SCN2A: variants seen among roughly 807,000 people sequenced by gnomAD.
SCN2A encodes sodium voltage-gated channel alpha subunit 2, also known as sodium channel protein type 2 subunit alpha.
Under a neutral mutation model 188.7 loss-of-function variants are expected in SCN2A, and 20 were observed. The ratio of observed to expected loss-of-function variants is 0.11; its 90% CI spans 0.07 to 0.15. SCN2A has a LOEUF of 0.15. Among genes scored for constraint, SCN2A ranks in the 10% least tolerant of loss-of-function variants. The pLI is 1.00. For missense variants in SCN2A, 1,278 were observed against 2,445.0 expected (o/e 0.52, Z 10.07); for synonymous variants, 804 against 833.1 (o/e 0.97, Z 0.60).
intron 2 of SCN2A, 75 bp downstream of exon 2, chr2:165,296,165 A>G (rs1696499948): frequency 1.4e-6 from 2 of 1,442,398 alleles, no homozygotes; most frequent in African/African-American, 2.8e-5. Context: ...ATGATGGTGA[A>G]GAAGGCTGGC....
chr2:165,330,184 G>C (rs897898571), intron 13 of SCN2A, among the ~76,000 whole-genome samples: 2 of 152,110 alleles, frequency 1.3e-5, no homozygotes, highest in Non-Finnish European at 2.9e-5. Flanking sequence ...TGACTGACTA[G>C]AGTCAACTAT....
chr2:165,363,056 A>G (rs1246662126), intron 17 of SCN2A, among the ~76,000 whole-genome samples: 5 of 152,150 alleles, frequency 3.3e-5, no homozygotes, highest in Non-Finnish European at 5.9e-5. Flanking sequence ...CAGGAATCCT[A>G]TGTAAACTTT....
chr2:165,253,897 C>A (rs1694202539), intron 1 of SCN2A, among the ~76,000 whole-genome samples: 1 of 151,938 alleles, frequency 6.6e-6, no homozygotes, highest in South Asian at 2.1e-4. Flanking sequence ...TCATGCCTTT[C>A]TTTGCTAATA....
At chr2:165,350,591 G>A (rs1442310012) in intron 16 of SCN2A, among the ~76,000 whole-genome samples, 1 of 143,170 alleles carries the variant, frequency 7.0e-6, no homozygotes, top group African/African-American at 2.6e-5. Flanking sequence ...TCCTGCCTCA[G>A]CCTCCCAAGT....
rs565309819 is a variant in SCN2A at position 165,388,750 on chromosome 2, G to A, written c.4944G>A (p.Thr1648=). ...TCAAAGGAGCAAAGGGGATCCGCAC[G>A]CTGCTCTTTGCTTTGATGATGTCCC... The part of the protein sequence containing the change: ...RLIKGAKGIR[T]LLFALMMSLP... The change falls in exon 27 of 27, where the codon ACG becomes ACA. Residue 1648 remains threonine, a synonymous_variant. Coordinates refer to ENST00000375437, the MANE Select transcript of SCN2A (RefSeq NM_001040142.2). 199 of 1,614,020 alleles carry A rather than the reference G, an allele frequency of 1.2e-4. 3 individuals carry two copies. In the South Asian group the frequency reaches 2.0e-3, roughly 16 times the overall value.
chr2:165,291,499 C>T (rs1696168509), intron 1 of SCN2A, among the ~76,000 whole-genome samples: 1 of 106,950 alleles, frequency 9.4e-6, no homozygotes, highest in Non-Finnish European at 2.0e-5. Flanking sequence ...TCTTTTCTTT[C>T]TTTCTTTCTT....
chr2:165,296,183 C>A, intron 2 of SCN2A, 93 bp downstream of exon 2: 7 of 1,200,594 alleles, frequency 5.8e-6, no homozygotes, highest in South Asian at 1.2e-5. Context: ...GGCCTCCTTC[C>A]CTCTGTCTAA....
At chr2:165,346,298 T>G (rs1699583113) in intron 16 of SCN2A, among the ~76,000 whole-genome samples, 1 of 152,172 alleles carries the variant, frequency 6.6e-6, no homozygotes, top group African/African-American at 2.4e-5. Flanking sequence ...TCCTGAAGAG[T>G]GTTTTCCAAC....
rs1055894327 is a variant in SCN2A at position 165,239,646 on chromosome 2, C to G, written c.-52+6C>G. The stretch of plus-strand genomic sequence containing the variant: ...TACATTTTTCTTTATTTCAGGTAAG[C>G]CAGCATGATTCTATTTTTGACTTAT... On this transcript the variant is annotated splice_donor_region_variant and intron_variant, in intron 1 of 26. Coordinates refer to ENST00000375437, the MANE Select transcript of SCN2A (RefSeq NM_001040142.2). 7.1e-6 allele frequency: 7 copies of G among 980,628 alleles called. No individual in the cohort carries two copies. The African/African-American group carries it at 1.2e-4, about 17-fold the overall frequency. 60.7% of individuals were successfully genotyped at this position (980,628 alleles called of 1,614,324 possible).
Position 165,365,248 on chromosome 2 carries a change from G to A in SCN2A, c.3505G>A (p.Ala1169Thr). Reference sequence around the variant, plus strand: ...ACCTGAGGAATCCCTTGAACCTGAAGCCTGTTTTACAGAAGGTAAGCAAAA... The same window carrying A: ...ACCTGAGGAATCCCTTGAACCTGAAACCTGTTTTACAGAAGGTAAGCAAAA... ...VEPEESLEPE[A>T]CFTEDCVRKF... The change falls in exon 18 of 27, where the codon GCC (alanine) becomes ACC (threonine). Residue 1169 changes from alanine (A) to threonine (T), a missense_variant. This residue lies in a region of SCN2A where 228 missense variants were observed against 297.3 expected (regional missense o/e 0.77). Coordinates refer to ENST00000375437, the MANE Select transcript of SCN2A (RefSeq NM_001040142.2). 1 of 1,613,838 alleles carries A rather than the reference G, an allele frequency of 6.2e-7. No homozygotes were observed. The highest frequency in any genetic ancestry group is 1.3e-5 in the African/African-American group (1 of 75,006).
rs1351682389 is a variant in SCN2A, at chr2:165,307,454, A to G, written c.387-394A>G. The stretch of plus-strand genomic sequence containing the variant: ...GTAACTTTTAGAATGATGTTATAAT[A>G]CATTTAATTAATTACTTGAATTGTC... On this transcript the variant is annotated intron_variant, in intron 3 of 26. Coordinates refer to ENST00000375437, the MANE Select transcript of SCN2A (RefSeq NM_001040142.2). Among the ~76,000 whole-genome samples the G allele has an allele frequency of 2.6e-5, 4 of 152,166 alleles. No individual in the cohort carries two copies. The East Asian group carries it at 7.7e-4, about 29-fold the overall frequency.
At chr2:165,340,890 A>C (rs866778231) in intron 14 of SCN2A, among the ~76,000 whole-genome samples, 2 of 152,196 alleles carry the variant, frequency 1.3e-5, no homozygotes, top group Admixed American at 6.5e-5. Context: ...TTTATTGGTG[A>C]TGTCGGTCTT....
chr2:165,380,567 GGT>G, intron 23 of SCN2A, 23 bp from the exon 24 acceptor site: 1 of 1,529,964 alleles, frequency 6.5e-7, no homozygotes, highest in Non-Finnish European at 9.0e-7. Flanking sequence ...TAGATATAAT[GGT>G]TACAATTCTT....
intron 1 of SCN2A, among the ~76,000 whole-genome samples, chr2:165,287,010 C>T (rs1458763822): frequency 6.6e-6 from 1 of 152,042 alleles, no homozygotes; most frequent in Non-Finnish European, 1.5e-5. Context: ...ATCCTTGCCT[C>T]GTTGGAGGAA....
At chr2:165,274,871 C>A (rs1695266881) in intron 1 of SCN2A, among the ~76,000 whole-genome samples, 2 of 151,972 alleles carry the variant, frequency 1.3e-5, no homozygotes, top group Non-Finnish European at 2.9e-5. Flanking sequence ...CTGCTTTCAT[C>A]ATCCTCCTTC....
chr2:165,307,475 T>C (rs1036600591), intron 3 of SCN2A, among the ~76,000 whole-genome samples: 3 of 152,094 alleles, frequency 2.0e-5, no homozygotes, highest in Non-Finnish European at 4.4e-5. Flanking sequence ...ATTACTTGAA[T>C]TGTCTTGTTG....
At chr2:165,298,034 T>C (rs1026282169) in intron 3 of SCN2A, among the ~76,000 whole-genome samples, 7 of 152,198 alleles carry the variant, frequency 4.6e-5, no homozygotes, top group Non-Finnish European at 1.5e-5. Context: ...AGACTGAAGC[T>C]GTGTGGGGCA....
Position 165,389,649 on chromosome 2 carries a change from A to T in SCN2A, c.5843A>T (p.Asp1948Val), listed in dbSNP as rs770684740. ...TGTGATGGAACACCCATCAAAGAAG[A>T]TACTCTCATTGATAAACTGAATGAG... ...KECDGTPIKEDTLIDKLNENS... is the reference protein window; with the variant it reads ...KECDGTPIKEVTLIDKLNENS... The change falls in exon 27 of 27, where the codon GAT becomes GTT. Residue 1948 changes from aspartate to valine, a missense_variant. This residue lies in a region of SCN2A where 109 missense variants were observed against 137.9 expected (regional missense o/e 0.79). Transcript: ENST00000375437. This position sits in a 1 kb window ranked among gnomAD's most constrained non-coding sequence, Gnocchi z 4.2. 3 of 1,613,638 alleles carry T rather than the reference A, an allele frequency of 1.9e-6. No individual in the cohort carries two copies. The African/African-American group carries it at 4.0e-5, about 22-fold the overall frequency.
intron 1 of SCN2A, chr2:165,290,717 A>T: frequency 2.1e-6 from 2 of 961,392 alleles, no homozygotes; most frequent in Non-Finnish European, 2.5e-6. Context: ...GTTGACACTC[A>T]TCATAGAGAT....
Sources: gnomAD v4.1 joint callset for allele counts (sites outside exome capture counted in the v4.1 genomes callset) on GRCh38, gnomAD v4.1.1 for gene constraint, gnomAD v4.1.1 regional missense constraint, Gnocchi (gnomAD v3.1) non-coding constraint, MANE v1.5 for transcripts, NCBI Gene and HGNC (gene_info 2026-07-23, HGNC 2026-07-21) for gene names.